The following VAV2 variants were observed in gnomAD, a reference collection of about 807,000 sequenced individuals.
The protein encoded by VAV2 is vav guanine nucleotide exchange factor 2.
A neutral mutation model predicts 132.5 loss-of-function variants in VAV2; 67 were observed. The observed-to-expected ratio is 0.51, with a 90% confidence interval of 0.42 to 0.62. The LOEUF (loss-of-function observed/expected upper bound fraction) is 0.62, where lower values mean the gene tolerates loss of function less well. Ranked by LOEUF, VAV2 falls within the 20% of genes least tolerant of loss-of-function variation. The probability of loss-of-function intolerance (pLI) is 0.00; values close to 1 mark genes in which losing one functional copy is unlikely to be tolerated. For synonymous variants in VAV2, 492 were observed against 443.5 expected (o/e 1.11, Z -1.37); for missense variants, 938 against 1,153.6 (o/e 0.81, Z 2.71).
At chr9:133,860,752 A>G (rs556567217) in intron 3 of VAV2, among the ~76,000 whole-genome samples, 2 of 152,262 alleles carry the variant, frequency 1.3e-5, no homozygotes, top group East Asian at 3.9e-4. Flanking sequence ...CCCTGACCTC[A>G]ATCTGTGGGT....
chr9:133,902,112 C>T (rs1012282858), intron 2 of VAV2, among the ~76,000 whole-genome samples: 1 of 151,026 alleles, frequency 6.6e-6, no homozygotes, highest in Non-Finnish European at 1.5e-5. Flanking sequence ...AGATCACAGA[C>T]TTGGACCCAG....
intron 8 of VAV2, among the ~76,000 whole-genome samples, chr9:133,806,820 G>A (rs1406624399): frequency 6.6e-6 from 1 of 152,250 alleles, no homozygotes; most frequent in African/African-American, 2.4e-5. Flanking sequence ...ATGCACGGCT[G>A]CCGGAGCCTG....
At position 133,762,874 on chromosome 9, in the gene VAV2, AAC is replaced by A. The variant is rs1339453798; in HGVS notation, c.*1186_*1187del. 6.6e-6 allele frequency: 1 copy of A among 152,608 alleles called. No homozygotes were observed. Among genetic ancestry groups the A allele is most frequent in the Non-Finnish European group, 1.5e-5 (1 of 68,170 alleles). 9.5% of individuals were successfully genotyped at this position (152,608 alleles called of 1,614,324 possible). A position where few individuals can be genotyped will look rare whatever the true frequency, so the allele number is the denominator to read the frequency against. On this transcript the variant is annotated 3_prime_UTR_variant, in exon 30 of 30. Transcript: ENST00000371850. This position sits in a 1 kb window ranked among gnomAD's most constrained non-coding sequence, Gnocchi z 5.0. ...AGGGGCTACAAGAAGCCCAGGTCTCAACAGAGGCTTTGGCAAGGAGCTGGGAG... is the reference window on the plus strand; with the variant it reads ...AGGGGCTACAAGAAGCCCAGGTCTCAAGAGGCTTTGGCAAGGAGCTGGGAG...
chr9:133,955,963 G>GACGCTCCGGGGAA (rs1841763383), intron 1 of VAV2, among the ~76,000 whole-genome samples: 1 of 149,802 alleles, frequency 6.7e-6, no homozygotes, highest in African/African-American at 2.5e-5. Context: ...GCTCCGGGGA[G>GACGCTCCGGGGAA]CTCTCAGACG....
At chr9:133,859,490 C>A (rs892589079) in intron 3 of VAV2, among the ~76,000 whole-genome samples, 3 of 152,220 alleles carry the variant, frequency 2.0e-5, no homozygotes, top group Non-Finnish European at 4.4e-5. Context: ...GTGGGGTCTG[C>A]GGCACCAGGC....
chr9:133,963,447 A>G (rs1021201321), intron 1 of VAV2, among the ~76,000 whole-genome samples: 1 of 152,150 alleles, frequency 6.6e-6, no homozygotes, highest in Non-Finnish European at 1.5e-5. Flanking sequence ...GTGTGTGTCA[A>G]CAGAGAGCCT....
rs1277211249 is a variant in VAV2, at chr9:133,788,283, C to G, written c.1407+71G>C. 1 of 1,324,458 alleles carries G rather than the reference C, an allele frequency of 7.6e-7. No individual in the cohort carries two copies. The highest frequency in any genetic ancestry group is 4.7e-5 in the East Asian group (1 of 21,112). 82.0% of individuals were successfully genotyped at this position (1,324,458 alleles called of 1,614,324 possible). A position where few individuals can be genotyped will look rare whatever the true frequency, so the allele number is the denominator to read the frequency against. ...ACTTCGAGTCCCCTTCCCCTGGGGT[C>G]TGGAACCCAGTGCCTCTCTCCAGGC... On this transcript the variant is annotated intron_variant, in intron 15 of 29. Transcript: ENST00000371850. This position sits in a 1 kb window ranked among gnomAD's most constrained non-coding sequence, Gnocchi z 5.3.
At chr9:133,867,010 C>T (rs1490741288) in intron 2 of VAV2, among the ~76,000 whole-genome samples, 1 of 152,118 alleles carries the variant, frequency 6.6e-6, no homozygotes, top group Admixed American at 6.5e-5. Context: ...AGCCTGTTTC[C>T]TCAACAGTAA....
chr9:133,780,352 T>G (rs962896827), intron 20 of VAV2, among the ~76,000 whole-genome samples: 2 of 152,080 alleles, frequency 1.3e-5, no homozygotes, highest in African/African-American at 4.8e-5. Context: ...TGGAAGTGAC[T>G]CCATCCCCAC....
chr9:133,906,497 G>A (rs1839658319), intron 2 of VAV2, among the ~76,000 whole-genome samples: 1 of 152,194 alleles, frequency 6.6e-6, no homozygotes, highest in Non-Finnish European at 1.5e-5. Context: ...GAGCCAGCCA[G>A]GACCCCCAGC....
intron 2 of VAV2, among the ~76,000 whole-genome samples, chr9:133,886,974 G>T (rs569721864): frequency 1.3e-5 from 2 of 152,330 alleles, no homozygotes; most frequent in East Asian, 3.9e-4. Flanking sequence ...TCCCATGGGG[G>T]AGGGAAGCCA....
chr9:133,866,821 A>AAAG (rs1588287957), intron 2 of VAV2, among the ~76,000 whole-genome samples: 1 of 151,684 alleles, frequency 6.6e-6, no homozygotes, highest in Non-Finnish European at 1.5e-5. Context: ...AAAAAAAAAA[A>AAAG]AGAGGAGCCT....
Position 133,928,433 on chromosome 9 carries a change from T to G in VAV2, c.321+10670A>C, listed in dbSNP as rs895318689. On this transcript the variant is annotated intron_variant, in intron 2 of 29. Coordinates refer to ENST00000371850, the MANE Select transcript of VAV2 (RefSeq NM_001134398.2). The surrounding 1 kb of genome is among the most constrained non-coding windows in gnomAD (Gnocchi z 5.4). ...CCCACCCCAGCGAGGAGCGACTGCA[T>G]TTTAATAAGTAATTAGTGTGGAGTG... is the stretch of plus-strand genomic sequence containing the variant. Among the ~76,000 whole-genome samples, 45 of 152,300 alleles carry G rather than the reference T, an allele frequency of 3.0e-4. No homozygotes were observed. Among genetic ancestry groups the G allele is most frequent in the African/African-American group, 9.9e-4 (41 of 41,554 alleles).
rs1169911655 is a variant in VAV2, at chr9:133,926,082, G to A, written c.321+13021C>T. 5 of 151,022 alleles carry A rather than the reference G, an allele frequency of 3.3e-5. No homozygotes were observed. The highest frequency in any genetic ancestry group is 2.1e-4 in the South Asian group (1 of 4,786). The allele number at this position is 151,022 out of a possible 1,614,324, so 9.4% of individuals were successfully genotyped here. A position where few individuals can be genotyped will look rare whatever the true frequency, so the allele number is the denominator to read the frequency against. On this transcript the variant is annotated intron_variant, in intron 2 of 29. Transcript: ENST00000371850. The surrounding 1 kb of genome is among the most constrained non-coding windows in gnomAD (Gnocchi z 4.3). ...AAGAAAATGCAAGCTCTCAGCCAACGGGGTGGGGACTCACAGGAAAGAGAA... is the reference window on the plus strand; with the variant it reads ...AAGAAAATGCAAGCTCTCAGCCAACAGGGTGGGGACTCACAGGAAAGAGAA...
intron 1 of VAV2, among the ~76,000 whole-genome samples, chr9:133,970,269 C>A (rs1450388304): frequency 6.6e-6 from 1 of 152,204 alleles, no homozygotes; most frequent in Non-Finnish European, 1.5e-5. Context: ...CCCGATGACC[C>A]CACACAGCAA....
At chr9:133,860,882 G>A (rs897550617) in intron 3 of VAV2, among the ~76,000 whole-genome samples, 3 of 152,116 alleles carry the variant, frequency 2.0e-5, no homozygotes, top group African/African-American at 7.2e-5. Flanking sequence ...GACCCTCTGA[G>A]GCTGAATTTT....
intron 2 of VAV2, among the ~76,000 whole-genome samples, chr9:133,915,139 G>A (rs1840031582): frequency 6.6e-6 from 1 of 152,124 alleles, no homozygotes; most frequent in Non-Finnish European, 1.5e-5. Flanking sequence ...GGCTCAGGGA[G>A]TTCACACCCA....
chr9:133,903,078 GAAAAAA>G lies in VAV2; in HGVS notation c.321+36019_321+36024del, dbSNP rs61131449. 3.8e-5 allele frequency among the ~76,000 whole-genome samples: 4 copies of G among 105,370 alleles called. No homozygotes were observed. The South Asian group carries it at 9.9e-4, about 26-fold the overall frequency. The allele number at this position is 105,370 out of a possible 152,430, so 69.1% of individuals were successfully genotyped here. On this transcript the variant is annotated intron_variant, in intron 2 of 29. Coordinates refer to ENST00000371850, the MANE Select transcript of VAV2 (RefSeq NM_001134398.2). ...CAACAAGAGCGAAACCCTGCCCCAG[GAAAAAA>G]AAAAAAAAAAAAGAGGTAGTTTGGA...
chr9:133,836,787 A>G (rs1022651632), intron 3 of VAV2, among the ~76,000 whole-genome samples: 1 of 152,184 alleles, frequency 6.6e-6, no homozygotes, highest in Non-Finnish European at 1.5e-5. Flanking sequence ...CGATCAAGAG[A>G]TGCATTCACA....
Sources: allele counts gnomAD v4.1 joint callset (sites outside exome capture counted in the v4.1 genomes callset), GRCh38; gene constraint gnomAD v4.1.1; non-coding constraint Gnocchi (gnomAD v3.1); transcripts MANE v1.5; gene names NCBI Gene and HGNC (gene_info 2026-07-23, HGNC 2026-07-21).